The following NBEA variants were observed in gnomAD, a reference collection of about 807,000 sequenced individuals.
NBEA encodes neurobeachin, also known as lysosomal-trafficking regulator 2.
In NBEA, 44 loss-of-function variants were observed where a neutral mutation model predicts 343.4. The ratio of observed to expected loss-of-function variants is 0.13; its 90% CI spans 0.10 to 0.16. The LOEUF (loss-of-function observed/expected upper bound fraction) is 0.16, where lower values mean the gene tolerates loss of function less well. Ranked by LOEUF, NBEA falls within the 10% of genes least tolerant of loss-of-function variation. The pLI is 1.00. For synonymous variants in NBEA, 1,175 were observed against 1,238.7 expected (o/e 0.95, Z 1.08); for missense variants, 2,555 against 3,631.3 (o/e 0.70, Z 7.62).
At chr13:35,002,386 C>T (rs1042648106) in intron 1 of NBEA, among the ~76,000 whole-genome samples, 2 of 152,128 alleles carry the variant, frequency 1.3e-5, no homozygotes, top group East Asian at 3.9e-4. Flanking sequence ...CTTCCAAATA[C>T]TAATAGGTGA....
At chr13:35,586,002 G>A (rs2081276523) in intron 46 of NBEA, among the ~76,000 whole-genome samples, 1 of 152,078 alleles carries the variant, frequency 6.6e-6, no homozygotes, top group African/African-American at 2.4e-5. Context: ...TTCTGGTCTA[G>A]ATAGGAGCAC....
rs78400040 is a variant in NBEA at position 35,457,670 on chromosome 13, G to A, written c.6448+5435G>A. Among the ~76,000 whole-genome samples, 738 of 152,108 alleles carry A rather than the reference G, an allele frequency of 4.9e-3. 8 individuals carry two copies. Among genetic ancestry groups the A allele is most frequent in the African/African-American group, 0.017 (703 of 41,484 alleles). On this transcript the variant is annotated intron_variant, in intron 40 of 58. Transcript: ENST00000379939. Reference sequence around the variant, plus strand: ...ATCACCCAGGCTGGACTGCAGTGGCGAGATCTCGGTTCACTGCAAGCTCTG... The same window carrying A: ...ATCACCCAGGCTGGACTGCAGTGGCAAGATCTCGGTTCACTGCAAGCTCTG...
intron 36 of NBEA, among the ~76,000 whole-genome samples, chr13:35,343,347 CAA>C (rs1240293096): frequency 6.6e-6 from 1 of 151,936 alleles, no homozygotes; most frequent in African/African-American, 2.4e-5. Context: ...ATCCAGGAGA[CAA>C]AAAAATTCAG....
intron 40 of NBEA, among the ~76,000 whole-genome samples, chr13:35,470,609 C>T (rs571810292): frequency 3.9e-5 from 6 of 152,150 alleles, no homozygotes; most frequent in South Asian, 2.1e-4. Context: ...CCTTTCTCAC[C>T]TTGCCCCAAG....
intron 16 of NBEA, among the ~76,000 whole-genome samples, chr13:35,122,428 G>C (rs541233401): frequency 3.3e-5 from 5 of 152,162 alleles, no homozygotes; most frequent in Admixed American, 6.5e-5. Flanking sequence ...TAGGGACATG[G>C]ATGAAGCTGG....
intron 38 of NBEA, among the ~76,000 whole-genome samples, chr13:35,385,793 C>A (rs2042217733): frequency 6.6e-6 from 1 of 152,176 alleles, no homozygotes; most frequent in Non-Finnish European, 1.5e-5. Context: ...ATCTCTATTG[C>A]TGTTCTCTGT....
intron 46 of NBEA, among the ~76,000 whole-genome samples, chr13:35,589,946 G>A (rs565415055): frequency 7.2e-5 from 11 of 152,128 alleles, no homozygotes; most frequent in Admixed American, 1.3e-4. Flanking sequence ...AAAGACTAAC[G>A]AGTTCCAGAA....
intron 38 of NBEA, among the ~76,000 whole-genome samples, chr13:35,365,686 C>A (rs1158057011): frequency 1.3e-5 from 2 of 151,474 alleles, no homozygotes; most frequent in South Asian, 2.1e-4. Context: ...ATTTATATAT[C>A]ATCACATTTT....
At position 35,159,435 on chromosome 13, in the gene NBEA, C is replaced by T. The variant is rs1718054167; in HGVS notation, c.3264C>T (p.Ala1088=). The T allele has an allele frequency of 6.2e-7, 1 of 1,612,910 alleles. No individual in the cohort carries two copies. The highest frequency in any genetic ancestry group is 1.3e-5 in the African/African-American group (1 of 74,752). The change falls in exon 22 of 59, where the codon GCC becomes GCT. Residue 1088 remains alanine, a synonymous_variant. Coordinates refer to ENST00000379939, the MANE Select transcript of NBEA (RefSeq NM_001385012.1). ...CTTTAGTAGGTGGAGAGAATGGTGC[C>T]CTTGTGGAGGTTGAATCTCTGTTGG... is the stretch of plus-strand genomic sequence containing the variant. ...PETLVGGENG[A]LVEVESLLDN...
At chr13:35,586,629 T>C (rs1266876149) in intron 46 of NBEA, among the ~76,000 whole-genome samples, 1 of 152,256 alleles carries the variant, frequency 6.6e-6, no homozygotes, top group Non-Finnish European at 1.5e-5. Context: ...AGAAGTTTCT[T>C]GAGAAATACT....
chr13:35,571,136 C>T (rs1347600838), intron 45 of NBEA, among the ~76,000 whole-genome samples: 1 of 152,112 alleles, frequency 6.6e-6, no homozygotes, highest in Admixed American at 6.5e-5. Flanking sequence ...GAATTTGTTT[C>T]AATAAACATG....
At chr13:35,265,651 A>G (rs923486293) in intron 34 of NBEA, among the ~76,000 whole-genome samples, 2 of 152,058 alleles carry the variant, frequency 1.3e-5, no homozygotes, top group South Asian at 4.1e-4. Context: ...AAAATTGGCT[A>G]TCCATGTTTA....
rs58770404 is a variant in NBEA at position 35,354,603 on chromosome 13, GA to G, written c.6179+2289del. ...CATTAGTTTCTACTGCCAACTATCT[GA>G]AAAAAAAACCACAATATTTTTATGA... On this transcript the variant is annotated intron_variant, in intron 38 of 58. Coordinates refer to ENST00000379939, the MANE Select transcript of NBEA (RefSeq NM_001385012.1). 9.3e-3 allele frequency among the ~76,000 whole-genome samples: 1,394 copies of G among 149,646 alleles called. 83 individuals are homozygous for G. Among genetic ancestry groups the G allele is most frequent in the Admixed American group, 0.088 (1,324 of 15,050 alleles).
intron 11 of NBEA, among the ~76,000 whole-genome samples, chr13:35,102,380 G>T (rs2065688225): frequency 6.6e-6 from 1 of 151,630 alleles, no homozygotes; most frequent in African/African-American, 2.4e-5. Flanking sequence ...TGTTCTTGAA[G>T]ATTGCCTTGG....
chr13:35,349,522 C>G (rs992792159), intron 37 of NBEA, among the ~76,000 whole-genome samples: 5 of 151,888 alleles, frequency 3.3e-5, no homozygotes, highest in African/African-American at 1.2e-4. Flanking sequence ...TTATTTTAAG[C>G]TAGCAGAGAT....
Position 35,505,890 on chromosome 13 carries a change from T to G in NBEA, c.6585+33354T>G, listed in dbSNP as rs2077055670. Among the ~76,000 whole-genome samples the G allele has an allele frequency of 2.0e-5, 3 of 152,122 alleles. No individual in the cohort carries two copies. The South Asian group carries it at 6.2e-4, about 32-fold the overall frequency. ...GCATGTTCAACTTACAGATTTGATT[T>G]TACTCATAAATATTTTGCATATAAA... On this transcript the variant is annotated intron_variant, in intron 41 of 58. Coordinates refer to ENST00000379939, the MANE Select transcript of NBEA (RefSeq NM_001385012.1).
At chr13:34,992,920 T>C (rs912176736) in intron 1 of NBEA, among the ~76,000 whole-genome samples, 1 of 151,388 alleles carries the variant, frequency 6.6e-6, no homozygotes, top group African/African-American at 2.4e-5. Context: ...CTTGACCTTG[T>C]GATCCACCCG....
chr13:35,580,171 A>G (rs1337228702), intron 45 of NBEA, among the ~76,000 whole-genome samples: 1 of 151,922 alleles, frequency 6.6e-6, no homozygotes, highest in South Asian at 2.1e-4. Flanking sequence ...CTATTTGTTA[A>G]AGTGTTCACC....
intron 48 of NBEA, among the ~76,000 whole-genome samples, chr13:35,618,054 C>G (rs1339188201): frequency 6.6e-6 from 1 of 152,058 alleles, no homozygotes; most frequent in Non-Finnish European, 1.5e-5. Context: ...TATGAAATAG[C>G]TTTAGAGAAA....
Sources: allele counts gnomAD v4.1 joint callset (sites outside exome capture counted in the v4.1 genomes callset), GRCh38; gene constraint gnomAD v4.1.1; transcripts MANE v1.5; gene names NCBI Gene and HGNC (gene_info 2026-07-23, HGNC 2026-07-21).